The following EPHA4 variants were observed in gnomAD, a reference collection of about 807,000 sequenced individuals.
EPHA4 encodes ephrin type-A receptor 4.
EPHA4 carries 19 observed loss-of-function variants against 108.3 expected under a neutral mutation model. The observed-to-expected ratio is 0.18, with a 90% CI of 0.12 to 0.26. The LOEUF (loss-of-function observed/expected upper bound fraction) is 0.26. Among genes scored for constraint, EPHA4 ranks in the 10% least tolerant of loss-of-function variants. The probability of loss-of-function intolerance (pLI) is 1.00; values close to 1 mark genes in which losing one functional copy is unlikely to be tolerated. For missense variants in EPHA4, 917 were observed against 1,254.0 expected, an observed-to-expected ratio of 0.73 and a Z score of 4.06; for synonymous variants, 449 against 455.5, an observed-to-expected ratio of 0.99 and a Z score of 0.18.
At chr2:221,530,429 C>T (rs369573400) in intron 3 of EPHA4, among the ~76,000 whole-genome samples, 1 of 152,332 alleles carries the variant, frequency 6.6e-6, no homozygotes, top group African/African-American at 2.4e-5. Flanking sequence ...TAACATGAAA[C>T]ATTTGCGCGC....
intron 3 of EPHA4, among the ~76,000 whole-genome samples, chr2:221,511,270 C>T (rs926713251): frequency 4.7e-4 from 72 of 152,288 alleles, no homozygotes; most frequent in African/African-American, 1.7e-3. Context: ...TATTTGAGTC[C>T]TTGTGGGAGA....
rs1694553217 is a variant in EPHA4 at position 221,564,079 on chromosome 2, T to C, written c.475A>G (p.Ile159Val). 2 of 1,614,004 alleles carry C rather than the reference T, an allele frequency of 1.2e-6. No individual in the cohort carries two copies. The highest frequency in any genetic ancestry group is 1.7e-6 in the Non-Finnish European group (2 of 1,180,030). The change falls in exon 3 of 18, where the codon ATT (isoleucine) becomes GTT (valine). Residue 159 changes from isoleucine to valine, a missense_variant. Transcript: ENST00000281821. ...TTCAGCTTCATGATTCTGTCACCAA[T>C]GTCCACTTGGGTGAAGCTCTCATCA... is the stretch of plus-strand genomic sequence containing the variant. Reference protein sequence around the residue: ...AADESFTQVDIGDRIMKLNTE... With the variant: ...AADESFTQVDVGDRIMKLNTE...
chr2:221,473,352 T>C (rs1259326714), intron 5 of EPHA4, among the ~76,000 whole-genome samples: 3 of 152,000 alleles, frequency 2.0e-5, no homozygotes, highest in Admixed American at 6.6e-5. Context: ...TCACCAGTCT[T>C]TACCTGAAGA....
chr2:221,449,628 A>G (rs1231940795), intron 8 of EPHA4, among the ~76,000 whole-genome samples: 1 of 152,198 alleles, frequency 6.6e-6, no homozygotes, highest in African/African-American at 2.4e-5. Context: ...ATTAGCAGAC[A>G]TTGTTGCAGA....
rs535590485 is a variant in EPHA4 at position 221,566,773 on chromosome 2, GAGA to G, written c.159+1942_159+1944del. 8.4e-4 allele frequency among the ~76,000 whole-genome samples: 124 copies of G among 148,476 alleles called. No individual in the cohort carries two copies. The Middle Eastern group carries it at 0.01, about 12-fold the overall frequency. ...ACCAGGTGCTCTTTCAGCAGCTCTG[GAGA>G]AGAAGAAGAAGGAGAAGAAGAAGAG... On this transcript the variant is annotated intron_variant, in intron 2 of 17. Transcript: ENST00000281821.
In EPHA4 at chr2:221,419,655, TATTTTA is replaced by T. The variant is rs1413653580; in HGVS notation, c.*1711_*1716del. On this transcript the variant is annotated 3_prime_UTR_variant, in exon 18 of 18. Transcript: ENST00000281821. ...ATGGGTTGTCACCTGAATGGATTTA[TATTTTA>T]AATTACTTCACCATTAAGGTGAAAA... The T allele has an allele frequency of 6.6e-6, 1 of 152,608 alleles. No individual in the cohort carries two copies. The highest frequency in any genetic ancestry group is 1.5e-5 in the Non-Finnish European group (1 of 68,046). 9.5% of individuals were successfully genotyped at this position (152,608 alleles called of 1,614,324 possible).
intron 15 of EPHA4, 126 bp downstream of exon 15, chr2:221,429,832 C>G: frequency 1.1e-6 from 1 of 946,184 alleles, no homozygotes; most frequent in Non-Finnish European, 1.6e-6. Context: ...GAGAAAGAAG[C>G]CACCCAGGTT....
chr2:221,561,043 C>G (rs1314567976), intron 3 of EPHA4, among the ~76,000 whole-genome samples: 1 of 152,128 alleles, frequency 6.6e-6, no homozygotes, highest in Non-Finnish European at 1.5e-5. Flanking sequence ...GAGATGGAGA[C>G]CATCCTGGCT....
intron 5 of EPHA4, among the ~76,000 whole-genome samples, chr2:221,465,273 T>C (rs564138701): frequency 2.0e-5 from 3 of 152,318 alleles, no homozygotes; most frequent in South Asian, 4.1e-4. Context: ...ATTTGGTTTT[T>C]ACTTTTGGTT....
intron 4 of EPHA4, among the ~76,000 whole-genome samples, chr2:221,492,315 A>C (rs996517075): frequency 6.6e-6 from 1 of 152,178 alleles, no homozygotes; most frequent in Non-Finnish European, 1.5e-5. Flanking sequence ...GCTGTTTATG[A>C]CTATAAAATG....
intron 5 of EPHA4, among the ~76,000 whole-genome samples, chr2:221,476,388 C>T (rs1691654565): frequency 6.6e-6 from 1 of 152,162 alleles, no homozygotes; most frequent in Admixed American, 6.5e-5. Context: ...TCATCTTTCT[C>T]CCTTGTCCTT....
At chr2:221,535,977 C>A (rs567597907) in intron 3 of EPHA4, among the ~76,000 whole-genome samples, 1 of 152,280 alleles carries the variant, frequency 6.6e-6, no homozygotes, top group South Asian at 2.1e-4. Flanking sequence ...TCTTCAACCC[C>A]AGGGTGTGGC....
At chr2:221,429,836 C>A in intron 15 of EPHA4, 122 bp downstream of exon 15, 1 of 1,004,978 alleles carries the variant, frequency 1.0e-6, no homozygotes, top group Non-Finnish European at 1.5e-6. Context: ...AAGAAGCCAC[C>A]CAGGTTGCAG....
chr2:221,451,483 C>T (rs1393242991), intron 8 of EPHA4, among the ~76,000 whole-genome samples: 1 of 151,928 alleles, frequency 6.6e-6, no homozygotes, highest in African/African-American at 2.4e-5. Context: ...TTGTGGAGAT[C>T]ACAAATATAT....
At chr2:221,436,259 T>C (rs1574560857) in intron 13 of EPHA4, 140 bp downstream of exon 13, 1 of 726,944 alleles carries the variant, frequency 1.4e-6, no homozygotes, top group East Asian at 2.7e-5. Context: ...GGTTTAAAAA[T>C]GGATGCAGGA....
At chr2:221,505,804 T>G (rs768202412) in intron 3 of EPHA4, among the ~76,000 whole-genome samples, 2 of 152,236 alleles carry the variant, frequency 1.3e-5, no homozygotes, top group East Asian at 3.9e-4. Context: ...GGAGGATGTA[T>G]CACAATCCCC....
At chr2:221,439,451 G>A (rs981454267) in intron 11 of EPHA4, among the ~76,000 whole-genome samples, 1 of 151,490 alleles carries the variant, frequency 6.6e-6, no homozygotes, top group Admixed American at 6.6e-5. Flanking sequence ...AGCCAAGATC[G>A]TGCCACTGCA....
chr2:221,432,313 A>C (rs1043674076), intron 14 of EPHA4, among the ~76,000 whole-genome samples: 8 of 152,146 alleles, frequency 5.3e-5, no homozygotes, highest in African/African-American at 1.4e-4. Flanking sequence ...CAGTAACTAC[A>C]TTTACTATTT....
At chr2:221,454,101 AC>A (rs1690869400) in intron 8 of EPHA4, among the ~76,000 whole-genome samples, 1 of 151,916 alleles carries the variant, frequency 6.6e-6, no homozygotes, top group African/African-American at 2.4e-5. Context: ...AATTGCTTGA[AC>A]CCAGGAGGCA....
Sources: allele counts gnomAD v4.1 joint callset (sites outside exome capture counted in the v4.1 genomes callset), GRCh38; gene constraint gnomAD v4.1.1; transcripts MANE v1.5; gene names NCBI Gene and HGNC (gene_info 2026-07-23, HGNC 2026-07-21).